The following SH3GL2 variants were observed in gnomAD, a reference collection of about 807,000 sequenced individuals.
The protein encoded by SH3GL2 is SH3 domain containing GRB2 like 2, endophilin A1, also known as endophilin-A1.
In SH3GL2, 24 loss-of-function variants were observed where a neutral mutation model predicts 46.0. The ratio of observed to expected loss-of-function variants is 0.52; its 90% CI spans 0.38 to 0.73. The LOEUF (loss-of-function observed/expected upper bound fraction) is 0.73. Ranked by LOEUF, SH3GL2 falls within the 30% of genes least tolerant of loss-of-function variation. SH3GL2 has a pLI of 0.00. For missense variants in SH3GL2, 413 were observed against 424.2 expected, an observed-to-expected ratio of 0.97 and a Z score of 0.23; for synonymous variants, 196 against 147.1, an observed-to-expected ratio of 1.33 and a Z score of -2.40.
chr9:17,678,782 T>G (rs1820685099), intron 1 of SH3GL2, among the ~76,000 whole-genome samples: 1 of 152,230 alleles, frequency 6.6e-6, no homozygotes, highest in Non-Finnish European at 1.5e-5. Context: ...ATTTAAGTCT[T>G]TAATCCATCT....
intron 7 of SH3GL2, among the ~76,000 whole-genome samples, chr9:17,791,590 G>C (rs926725730): frequency 6.6e-6 from 1 of 152,180 alleles, no homozygotes; most frequent in Non-Finnish European, 1.5e-5. Context: ...GGAACACCAG[G>C]ATGCTACTGC....
chr9:17,631,326 A>C (rs1202378383), intron 1 of SH3GL2, among the ~76,000 whole-genome samples: 1 of 152,144 alleles, frequency 6.6e-6, no homozygotes, highest in Non-Finnish European at 1.5e-5. Context: ...CATAGCATGT[A>C]GTTAAAATAA....
intron 1 of SH3GL2, among the ~76,000 whole-genome samples, chr9:17,682,322 G>A (rs191072184): frequency 6.6e-6 from 1 of 152,242 alleles, no homozygotes; most frequent in East Asian, 1.9e-4. Context: ...ATGCCCATCA[G>A]TGGTAGACTG....
intron 7 of SH3GL2, 134 bp from the exon 8 acceptor site, chr9:17,793,233 C>A: frequency 1.3e-6 from 1 of 761,170 alleles, no homozygotes; most frequent in Non-Finnish European, 2.1e-6. Flanking sequence ...ACTAAGGGTC[C>A]TTTTTTGATT....
intron 3 of SH3GL2, among the ~76,000 whole-genome samples, chr9:17,779,567 G>A (rs9406725): frequency 0.12 from 17,622 of 152,082 alleles, 1,136 homozygotes; most frequent in Admixed American, 0.15. Context: ...GAAGATTAAG[G>A]TAAATTGTTT....
chr9:17,762,265 C>G (rs1246350045), intron 3 of SH3GL2, among the ~76,000 whole-genome samples: 1 of 152,056 alleles, frequency 6.6e-6, no homozygotes, highest in African/African-American at 2.4e-5. Context: ...TTGGAATACC[C>G]CTTAATCTTG....
Position 17,786,408 on chromosome 9 carries a change from A to G in SH3GL2, c.215A>G (p.Asn72Ser). ...PASRAKLSMINTMSKIRGQEK... is the reference protein window; with the variant it reads ...PASRAKLSMISTMSKIRGQEK... ...TCCAGAGCTAAGCTCAGCATGATCA[A>G]CACCATGTCAAAAATCCGTGGCCAG... The change falls in exon 4 of 9, where the codon AAC becomes AGC. Residue 72 changes from asparagine to serine, a missense_variant. This residue lies in a region of SH3GL2 where 160 missense variants were observed against 192.3 expected (regional missense o/e 0.83). Coordinates refer to ENST00000380607, the MANE Select transcript of SH3GL2 (RefSeq NM_003026.5). 6.2e-7 allele frequency: 1 copy of G among 1,613,314 alleles called. No individual in the cohort carries two copies. Among genetic ancestry groups the G allele is most frequent in the African/African-American group, 1.3e-5 (1 of 74,952 alleles).
intron 1 of SH3GL2, among the ~76,000 whole-genome samples, chr9:17,656,394 A>AT (rs145735950): frequency 0.031 from 4,650 of 149,978 alleles, 250 homozygotes; most frequent in African/African-American, 0.11. Flanking sequence ...TTGAAAATTG[A>AT]TTTTTTTTTT....
intron 3 of SH3GL2, among the ~76,000 whole-genome samples, chr9:17,768,648 C>T (rs1043976155): frequency 2.6e-5 from 4 of 152,126 alleles, no homozygotes; most frequent in Admixed American, 2.6e-4. Flanking sequence ...TTTGCTGTAT[C>T]AGGAGTTTGT....
intron 1 of SH3GL2, among the ~76,000 whole-genome samples, chr9:17,636,544 A>G (rs1176639928): frequency 6.6e-6 from 1 of 152,198 alleles, no homozygotes; most frequent in Non-Finnish European, 1.5e-5. Flanking sequence ...TCACAGTACA[A>G]CTTCCAGCAG....
Position 17,683,900 on chromosome 9 carries a change from C to G in SH3GL2, c.46-63166C>G, listed in dbSNP as rs537976707. ...GGCTAATAAGCCTAAATTCAGCTCT[C>G]AACTCCTGACTCCTGACTAAATTGA... On this transcript the variant is annotated intron_variant, in intron 1 of 8. Coordinates refer to ENST00000380607, the MANE Select transcript of SH3GL2 (RefSeq NM_003026.5). 2.6e-5 allele frequency among the ~76,000 whole-genome samples: 4 copies of G among 152,220 alleles called. No homozygotes were observed. In the South Asian group the frequency reaches 8.3e-4, roughly 32 times the overall value.
chr9:17,703,356 C>G (rs1212446981), intron 1 of SH3GL2, among the ~76,000 whole-genome samples: 1 of 151,852 alleles, frequency 6.6e-6, no homozygotes, highest in Admixed American at 6.6e-5. Flanking sequence ...GTAATAATCA[C>G]AAGTTTGAAT....
chr9:17,750,374 G>A (rs1353247952), intron 2 of SH3GL2, among the ~76,000 whole-genome samples: 1 of 152,046 alleles, frequency 6.6e-6, no homozygotes, highest in Non-Finnish European at 1.5e-5. Flanking sequence ...ATTACTGGGA[G>A]AGAGAAGTGG....
At chr9:17,786,658 C>A (rs147887006) in intron 4 of SH3GL2, 134 bp downstream of exon 4, 13 of 802,350 alleles carry the variant, frequency 1.6e-5, no homozygotes, top group Non-Finnish European at 2.6e-5. Context: ...CACACATGGG[C>A]CAAAAATTTG....
chr9:17,633,971 A>G (rs1819488153), intron 1 of SH3GL2, among the ~76,000 whole-genome samples: 1 of 152,232 alleles, frequency 6.6e-6, no homozygotes, highest in African/African-American at 2.4e-5. Context: ...TTCTTGAATG[A>G]CCATGTCCCT....
In SH3GL2 at chr9:17,593,443, C is replaced by T. The variant is rs1190361807; in HGVS notation, c.45+14156C>T. Among the ~76,000 whole-genome samples, 6 of 151,822 alleles carry T rather than the reference C, an allele frequency of 4.0e-5. No individual in the cohort carries two copies. In the East Asian group the frequency reaches 1.2e-3, roughly 29 times the overall value. On this transcript the variant is annotated intron_variant, in intron 1 of 8. Coordinates refer to ENST00000380607, the MANE Select transcript of SH3GL2 (RefSeq NM_003026.5). ...GAATGGGTTGCTGGTAGGGAGAAAT[C>T]CCCACACATTTTGGTAACCAGAGGT...
intron 1 of SH3GL2, among the ~76,000 whole-genome samples, chr9:17,653,326 T>G (rs1819998259): frequency 6.6e-6 from 1 of 152,176 alleles, no homozygotes; most frequent in Non-Finnish European, 1.5e-5. Flanking sequence ...GACTGTTATT[T>G]CTTCAATACT....
At chr9:17,666,725 T>G (rs568040873) in intron 1 of SH3GL2, among the ~76,000 whole-genome samples, 4 of 152,228 alleles carry the variant, frequency 2.6e-5, no homozygotes, top group African/African-American at 9.6e-5. Flanking sequence ...GATAACCTAG[T>G]GTATATATAT....
chr9:17,628,417 T>G (rs1378957969), intron 1 of SH3GL2, among the ~76,000 whole-genome samples: 24 of 29,466 alleles, frequency 8.1e-4, no homozygotes, highest in African/African-American at 4.5e-3. Flanking sequence ...CTTGGGTGTG[T>G]GTGTGTGTGT....
Sources: gnomAD v4.1 joint callset for allele counts (sites outside exome capture counted in the v4.1 genomes callset) on GRCh38, gnomAD v4.1.1 for gene constraint, gnomAD v4.1.1 regional missense constraint, MANE v1.5 for transcripts, NCBI Gene and HGNC (gene_info 2026-07-23, HGNC 2026-07-21) for gene names.